Variants in DSE observed in about 807,000 individuals in gnomAD.
DSE encodes dermatan sulfate epimerase.
A neutral mutation model predicts 84.4 loss-of-function variants in DSE; 36 were observed. The observed-to-expected ratio is 0.43, with a 90% CI of 0.33 to 0.56. DSE has a LOEUF of 0.56. Ranked by LOEUF, DSE falls within the 20% of genes least tolerant of loss-of-function variation. The pLI, the probability that DSE is intolerant of heterozygous loss-of-function variation, is 0.06. For missense variants in DSE, 862 were observed against 1,169.6 expected (o/e 0.74, Z 3.84); for synonymous variants, 410 against 430.1 (o/e 0.95, Z 0.58).
Position 116,310,803 on chromosome 6 carries a change from A to G in DSE, c.-54+51836A>G, listed in dbSNP as rs898579706. ...CTCCTCTCTGCATACAGACAGAGCA[A>G]GCTTTCTAAACATAAAATGAGAACA... On this transcript the variant is annotated intron_variant, in intron 2 of 3. Transcript: ENST00000430252. Among the ~76,000 whole-genome samples the G allele has an allele frequency of 5.3e-5, 8 of 152,340 alleles. No individual in the cohort carries two copies. The East Asian group carries it at 7.7e-4, about 15-fold the overall frequency.
chr6:116,369,347 C>T (rs949707001), upstream of DSE, among the ~76,000 whole-genome samples: 9 of 152,268 alleles, frequency 5.9e-5, no homozygotes, highest in East Asian at 1.9e-4. Flanking sequence ...TTAACACTTA[C>T]GGATTACATA....
chr6:116,431,145 C>T lies in DSE; in HGVS notation c.862C>T (p.Pro288Ser), dbSNP rs746061603. The T allele has an allele frequency of 1.2e-6, 2 of 1,614,192 alleles. No homozygotes were observed. Among genetic ancestry groups the T allele is most frequent in the Non-Finnish European group, 1.7e-6 (2 of 1,180,040 alleles). Reference protein sequence around the residue: ...RHFNINHFGHPWLKQHFAFMY... With the variant: ...RHFNINHFGHSWLKQHFAFMY... Reference sequence around the variant, plus strand: ...CTTCAACATCAACCACTTTGGCCATCCGTGGCTTAAACAACACTTTGCATT... The same window carrying T: ...CTTCAACATCAACCACTTTGGCCATTCGTGGCTTAAACAACACTTTGCATT... Residue 288 changes from proline (P) to serine (S), a missense_variant, in exon 4 of 6, where the codon CCG (proline) becomes TCG (serine). Physicochemically the swap from Pro to Ser is moderately conservative, Grantham distance 74. Transcript: ENST00000644252.
intron 2 of DSE, among the ~76,000 whole-genome samples, chr6:116,294,889 C>G (rs1218302138): frequency 6.6e-6 from 1 of 152,164 alleles, no homozygotes; most frequent in East Asian, 1.9e-4. Flanking sequence ...CACCCCATCT[C>G]AAAGCCCTAA....
At chr6:116,353,902 T>C (rs1020911321) in intron 2 of DSE, among the ~76,000 whole-genome samples, 1 of 152,194 alleles carries the variant, frequency 6.6e-6, no homozygotes, top group African/African-American at 2.4e-5. Flanking sequence ...ATAATCAATC[T>C]AAACATACTC....
chr6:116,300,239 A>G (rs1774950408), intron 2 of DSE, among the ~76,000 whole-genome samples: 1 of 152,204 alleles, frequency 6.6e-6, no homozygotes, highest in Non-Finnish European at 1.5e-5. Flanking sequence ...AGGAACTAAC[A>G]GAGTCATGTC....
At chr6:116,356,298 CA>C (rs1440730011) in intron 2 of DSE, among the ~76,000 whole-genome samples, 4 of 152,174 alleles carry the variant, frequency 2.6e-5, no homozygotes, top group African/African-American at 9.6e-5. Flanking sequence ...GAACTTTACA[CA>C]ACTGCCTAAA....
chr6:116,346,855 A>C (rs1172183022), intron 2 of DSE, among the ~76,000 whole-genome samples: 1 of 152,160 alleles, frequency 6.6e-6, no homozygotes, highest in African/African-American at 2.4e-5. Context: ...TGACATGGTT[A>C]TATATCTAGA....
chr6:116,439,762 T>TCC lies in DSE; in HGVS notation c.*2418_*2419dup, dbSNP rs1298654862. The TCC allele has an allele frequency of 6.6e-6, 1 of 152,144 alleles. No individual in the cohort carries two copies. The highest frequency in any genetic ancestry group is 2.4e-5 in the African/African-American group (1 of 41,434). 9.4% of individuals were successfully genotyped at this position (152,144 alleles called of 1,614,324 possible). On this transcript the variant is annotated 3_prime_UTR_variant, in exon 6 of 6. Coordinates refer to ENST00000644252, the MANE Select transcript of DSE (RefSeq NM_013352.4). ...TTCAGGGGATTGGCAGGACTCTTGG[T>TCC]CCTAGCCTTAAAGAAAATTTGAGAA...
Position 116,441,795 on chromosome 6 carries a change from C to T in DSE, c.*4450C>T, listed in dbSNP as rs1784434890. On this transcript the variant is annotated 3_prime_UTR_variant, in exon 6 of 6. Coordinates refer to ENST00000644252, the MANE Select transcript of DSE (RefSeq NM_013352.4). ...TAAATGGAAGTCCCACAGCACTTTT[C>T]AGTTGAGTTAACAAATAACGAATGA... The T allele has an allele frequency of 6.6e-6, 1 of 152,200 alleles. No homozygotes were observed. The highest frequency in any genetic ancestry group is 1.5e-5 in the Non-Finnish European group (1 of 68,036). 9.4% of individuals were successfully genotyped at this position (152,200 alleles called of 1,614,324 possible).
At chr6:116,423,617 CCA>C (rs1783239488) in intron 2 of DSE, among the ~76,000 whole-genome samples, 1 of 152,160 alleles carries the variant, frequency 6.6e-6, no homozygotes, top group African/African-American at 2.4e-5. Flanking sequence ...TCCCACTTCA[CCA>C]CCATTCACAG....
At chr6:116,326,491 A>G (rs1216792162) in intron 2 of DSE, among the ~76,000 whole-genome samples, 1 of 152,332 alleles carries the variant, frequency 6.6e-6, no homozygotes, top group East Asian at 1.9e-4. Flanking sequence ...TGATGCCAAC[A>G]TAATGCTGTT....
At chr6:116,406,517 A>T (rs1180994036) in intron 2 of DSE, among the ~76,000 whole-genome samples, 1 of 152,210 alleles carries the variant, frequency 6.6e-6, no homozygotes, top group Non-Finnish European at 1.5e-5. Flanking sequence ...ATCACTTTTT[A>T]AAAGTTGGCT....
chr6:116,254,943 A>C (rs1333463277), intron 1 of DSE: 1 of 152,354 alleles, frequency 6.6e-6, no homozygotes, highest in Non-Finnish European at 1.5e-5. Flanking sequence ...ACTGCAGCAC[A>C]GGAGCAATAA....
intron 1 of DSE, among the ~76,000 whole-genome samples, chr6:116,383,352 G>C (rs1052855269): frequency 6.6e-6 from 1 of 152,098 alleles, no homozygotes; most frequent in Non-Finnish European, 1.5e-5. Flanking sequence ...ATAGACATGG[G>C]GTAAAAATGG....
At chr6:116,318,736 A>T (rs1032220912) in intron 2 of DSE, among the ~76,000 whole-genome samples, 2 of 152,242 alleles carry the variant, frequency 1.3e-5, no homozygotes, top group African/African-American at 4.8e-5. Flanking sequence ...AAGTAAATAG[A>T]AAATGAGAAA....
intron 1 of DSE, among the ~76,000 whole-genome samples, chr6:116,390,614 G>T (rs1009831621): frequency 6.6e-6 from 1 of 152,064 alleles, no homozygotes; most frequent in Admixed American, 6.5e-5. Flanking sequence ...ATTTAGAATA[G>T]TGTATTCTAA....
At chr6:116,317,452 C>A (rs1249041797) in intron 2 of DSE, among the ~76,000 whole-genome samples, 1 of 152,218 alleles carries the variant, frequency 6.6e-6, no homozygotes, top group East Asian at 1.9e-4. Context: ...AATAATTTCT[C>A]TTTACACATT....
intron 2 of DSE, among the ~76,000 whole-genome samples, chr6:116,304,662 C>G (rs1277043934): frequency 6.6e-6 from 1 of 152,176 alleles, no homozygotes; most frequent in East Asian, 1.9e-4. Flanking sequence ...GCACTGTGTG[C>G]TTCTGGTGCC....
At chr6:116,414,887 T>C (rs1362768449) in intron 2 of DSE, among the ~76,000 whole-genome samples, 1 of 8,534 alleles carries the variant, frequency 1.2e-4, no homozygotes, top group African/African-American at 7.9e-4. Context: ...ACTCTCACTC[T>C]TGTGTAAGTT....
Sources: gnomAD v4.1 joint callset for allele counts (sites outside exome capture counted in the v4.1 genomes callset) on GRCh38, gnomAD v4.1.1 for gene constraint, MANE v1.5 for transcripts, NCBI Gene and HGNC (gene_info 2026-07-23, HGNC 2026-07-21) for gene names.